MSRB3: variants seen among roughly 807,000 people sequenced by gnomAD.
MSRB3 encodes methionine sulfoxide reductase B3.
Under a neutral mutation model 21.0 loss-of-function variants are expected in MSRB3, and 13 were observed. The observed-to-expected ratio is 0.62, with a 90% CI of 0.40 to 0.98. The LOEUF is 0.98. Ranked by LOEUF, MSRB3 falls within the 50% of genes least tolerant of loss-of-function variation. The pLI, the probability that MSRB3 is intolerant of heterozygous loss-of-function variation, is 0.00. For synonymous variants in MSRB3, 87 were observed against 88.6 expected, an observed-to-expected ratio of 0.98 and a Z score of 0.10; for missense variants, 199 against 230.3, an observed-to-expected ratio of 0.86 and a Z score of 0.88.
chr12:65,377,768 T>C (rs566449496), intron 5 of MSRB3, among the ~76,000 whole-genome samples: 3 of 152,284 alleles, frequency 2.0e-5, no homozygotes, highest in South Asian at 4.1e-4. Context: ...AGGGCCAGAG[T>C]TGACAATTTC....
chr12:65,413,640 A>G (rs1224778169), intron 5 of MSRB3, among the ~76,000 whole-genome samples: 1 of 152,170 alleles, frequency 6.6e-6, no homozygotes, highest in Non-Finnish European at 1.5e-5. Context: ...TTGGTGCTTG[A>G]TGTACGTTAG....
rs1874024479 is a variant in MSRB3, at chr12:65,312,111, C to T, written c.76+3456C>T. ...AAGCTCTGTCCTTAACTTGCGTGACCTTGAACAAATCAATAAACTTCTCCT... is the reference window on the plus strand; with the variant it reads ...AAGCTCTGTCCTTAACTTGCGTGACTTTGAACAAATCAATAAACTTCTCCT... On this transcript the variant is annotated intron_variant, in intron 2 of 6. Transcript: ENST00000308259. Among the ~76,000 whole-genome samples the T allele has an allele frequency of 2.0e-5, 3 of 152,130 alleles. No individual in the cohort carries two copies. In the South Asian group the frequency reaches 6.2e-4, roughly 32 times the overall value.
intron 5 of MSRB3, among the ~76,000 whole-genome samples, chr12:65,451,793 ACT>A (rs1285240977): frequency 2.0e-5 from 3 of 152,118 alleles, no homozygotes; most frequent in African/African-American, 7.2e-5. Flanking sequence ...TTCTTGTGGA[ACT>A]CTCTGATGTG....
At chr12:65,455,800 G>A (rs1388895054) in intron 6 of MSRB3, among the ~76,000 whole-genome samples, 1 of 152,134 alleles carries the variant, frequency 6.6e-6, no homozygotes, top group Non-Finnish European at 1.5e-5. Context: ...GTGGTGGCAT[G>A]ATCTTGGCTC....
At chr12:65,433,521 C>CAG (rs1199528085) in intron 5 of MSRB3, among the ~76,000 whole-genome samples, 1 of 151,842 alleles carries the variant, frequency 6.6e-6, no homozygotes, top group Non-Finnish European at 1.5e-5. Flanking sequence ...CCATCATGCA[C>CAG]AGAATGGTGT....
Position 65,441,558 on chromosome 12 carries a change from G to A in MSRB3, c.293-12170G>A, listed in dbSNP as rs908035102. The stretch of plus-strand genomic sequence containing the variant: ...TATAGAAAATTCATTCAACCAAAAT[G>A]TATTTGAGGAGTTTGGAATACACTG... On this transcript the variant is annotated intron_variant, in intron 5 of 6. Transcript: ENST00000308259. Among the ~76,000 whole-genome samples, 8 of 152,058 alleles carry A rather than the reference G, an allele frequency of 5.3e-5. 1 individual carries two copies. In the East Asian group the frequency reaches 1.4e-3, roughly 26 times the overall value.
intron 2 of MSRB3, among the ~76,000 whole-genome samples, chr12:65,325,914 T>A (rs1292867607): frequency 2.6e-5 from 4 of 152,230 alleles, no homozygotes; most frequent in Non-Finnish European, 5.9e-5. Flanking sequence ...ACAGGTGTTG[T>A]CTGAACATTT....
intron 3 of MSRB3, 120 bp from the exon 4 acceptor site, chr12:65,328,406 G>T (rs1875194997): frequency 2.8e-6 from 2 of 714,944 alleles, no homozygotes; most frequent in African/African-American, 1.8e-5. Flanking sequence ...TGTTTGGTTT[G>T]TTTTCATTCT....
At position 65,349,223 on chromosome 12, in the gene MSRB3, A is replaced by G. The variant is rs570421145; in HGVS notation, c.264-19775A>G. On this transcript the variant is annotated intron_variant, in intron 4 of 6. Transcript: ENST00000308259. ...GATTTCCAGTTTCATCCATGCCCCT[A>G]CAAAGGACATGAACTCATCATTTTT... is the stretch of plus-strand genomic sequence containing the variant. Among the ~76,000 whole-genome samples, 1,345 of 152,132 alleles carry G rather than the reference A, an allele frequency of 8.8e-3. 12 individuals are homozygous for G. The highest frequency in any genetic ancestry group is 0.02 in the Middle Eastern group (6 of 294).
intron 1 of MSRB3, among the ~76,000 whole-genome samples, chr12:65,282,926 T>G (rs1290806626): frequency 6.6e-6 from 1 of 152,222 alleles, no homozygotes; most frequent in East Asian, 1.9e-4. Context: ...TTTTTCCATT[T>G]TATGTTATGA....
rs1254272538 is a variant in MSRB3, at chr12:65,466,373, T to C, written c.*3051T>C. The C allele has an allele frequency of 6.6e-6, 1 of 152,204 alleles. No homozygotes were observed. The highest frequency in any genetic ancestry group is 1.5e-5 in the Non-Finnish European group (1 of 68,032). 9.4% of individuals were successfully genotyped at this position (152,204 alleles called of 1,614,324 possible). On this transcript the variant is annotated 3_prime_UTR_variant, in exon 7 of 7. Transcript: ENST00000308259. The stretch of plus-strand genomic sequence containing the variant: ...GTCAGCTGTCAAGCACTAGATTTAT[T>C]TTTGCAGGATATGGAGTGCAATGAA...
intron 5 of MSRB3, among the ~76,000 whole-genome samples, chr12:65,406,772 A>G (rs1014742457): frequency 6.6e-6 from 1 of 152,180 alleles, no homozygotes; most frequent in Non-Finnish European, 1.5e-5. Context: ...CCATAATGTT[A>G]AGAGCTGGGG....
chr12:65,309,170 A>G lies in MSRB3; in HGVS notation c.76+515A>G, dbSNP rs143555224. 3.3e-4 allele frequency among the ~76,000 whole-genome samples: 50 copies of G among 152,360 alleles called. No homozygotes were observed. The East Asian group carries it at 8.9e-3, about 27-fold the overall frequency. On this transcript the variant is annotated intron_variant, in intron 2 of 6. Coordinates refer to ENST00000308259, the MANE Select transcript of MSRB3 (RefSeq NM_001031679.3). The stretch of plus-strand genomic sequence containing the variant: ...ATGGCCAAATAAACAGAACTAATAT[A>G]GCATGCATCAGTGGGTTCTTAAATT...
At chr12:65,422,415 TA>T (rs1565885085) in intron 5 of MSRB3, among the ~76,000 whole-genome samples, 33 of 42,480 alleles carry the variant, frequency 7.8e-4, no homozygotes, top group Non-Finnish European at 1.3e-3. Context: ...TATATATATA[TA>T]TATATATATA....
At chr12:65,414,353 A>C (rs1037544529) in intron 5 of MSRB3, among the ~76,000 whole-genome samples, 3 of 152,190 alleles carry the variant, frequency 2.0e-5, no homozygotes, top group Non-Finnish European at 4.4e-5. Flanking sequence ...ATAGACAGTC[A>C]TGCATCTCAT....
Position 65,461,948 on chromosome 12 carries a change from C to CT in MSRB3, c.391-1201dup, listed in dbSNP as rs1883349181. ...CTATCTAACATTTCATATCACCTTC[C>CT]TTTTTTGCTCCCTTAGCATTGCTTT... On this transcript the variant is annotated intron_variant, in intron 6 of 6. Transcript: ENST00000308259. 2.6e-5 allele frequency among the ~76,000 whole-genome samples: 4 copies of CT among 152,194 alleles called. No homozygotes were observed. In the South Asian group the frequency reaches 8.3e-4, roughly 32 times the overall value.
At chr12:65,375,451 A>AT (rs1446235778) in intron 5 of MSRB3, among the ~76,000 whole-genome samples, 2 of 151,418 alleles carry the variant, frequency 1.3e-5, no homozygotes, top group Non-Finnish European at 3.0e-5. Context: ...TATTTTTATT[A>AT]TTTTTTTAGA....
intron 2 of MSRB3, among the ~76,000 whole-genome samples, chr12:65,318,600 C>T (rs550821961): frequency 6.6e-6 from 1 of 152,250 alleles, no homozygotes; most frequent in South Asian, 2.1e-4. Flanking sequence ...GTTTCACATG[C>T]AATCAGATAG....
chr12:65,388,163 C>A (rs557706129), intron 5 of MSRB3, among the ~76,000 whole-genome samples: 3 of 152,298 alleles, frequency 2.0e-5, no homozygotes, highest in African/African-American at 4.8e-5. Context: ...TTAAGACTGA[C>A]AATACATTCC....
Sources: gnomAD v4.1 joint callset for allele counts (sites outside exome capture counted in the v4.1 genomes callset) on GRCh38, gnomAD v4.1.1 for gene constraint, MANE v1.5 for transcripts, NCBI Gene and HGNC (gene_info 2026-07-23, HGNC 2026-07-21) for gene names.